DOCK11: variants seen among roughly 807,000 people sequenced by gnomAD.
DOCK11 encodes dedicator of cytokinesis 11.
DOCK11 carries 70 observed loss-of-function variants against 169.1 expected under a neutral mutation model. The ratio of observed to expected loss-of-function variants is 0.41; its 90% CI spans 0.34 to 0.51. DOCK11 has a LOEUF of 0.51. DOCK11 is among the 20% of genes least tolerant of loss of function. The pLI is 0.10. For synonymous variants in DOCK11, 529 were observed against 541.3 expected (o/e 0.98, Z 0.32); for missense variants, 1,166 against 1,538.8 (o/e 0.76, Z 4.05).
intron 1 of DOCK11, among the ~76,000 whole-genome samples, chrX:118,499,997 TGAG>T (rs2057563335): frequency 9.0e-6 from 1 of 111,175 alleles, no homozygotes; most frequent in Non-Finnish European, 1.9e-5. Context: ...TTCTCTGGAT[TGAG>T]TCTTTTTCTA....
chrX:118,667,052 A>G (rs1463496133), intron 45 of DOCK11, among the ~76,000 whole-genome samples: 5 of 111,462 alleles, frequency 4.5e-5, no homozygotes, highest in Non-Finnish European at 7.5e-5. Flanking sequence ...TATCCGTTTT[A>G]GAAATCACAT....
chrX:118,506,302 T>A (rs1294819), intron 1 of DOCK11, among the ~76,000 whole-genome samples: 45,838 of 109,519 alleles, frequency 0.42, 8,375 homozygotes, highest in African/African-American at 0.71. Flanking sequence ...ACCTTTATTG[T>A]TATCCCTTTC....
intron 40 of DOCK11, among the ~76,000 whole-genome samples, chrX:118,645,875 T>C (rs1482299575): frequency 5.5e-5 from 5 of 91,682 alleles, no homozygotes; most frequent in Non-Finnish European, 2.1e-5. Flanking sequence ...AGTGAAACCC[T>C]GTCTCTAGTT....
At chrX:118,496,444 A>G (rs185692705) in intron 1 of DOCK11, among the ~76,000 whole-genome samples, 2 of 112,832 alleles carry the variant, frequency 1.8e-5, no homozygotes, top group East Asian at 5.7e-4. Context: ...CAAGGGCACG[A>G]CGAGATCCTG....
intron 24 of DOCK11, among the ~76,000 whole-genome samples, chrX:118,607,448 G>C (rs2014558932): frequency 1.4e-5 from 1 of 69,429 alleles, no homozygotes; most frequent in African/African-American, 5.7e-5. Context: ...TTGAGACAGA[G>C]TCTCGCTCTG....
At position 118,624,599 on chromosome X, in the gene DOCK11, A is replaced by G; in HGVS notation, c.3532A>G (p.Ile1178Val). 3 of 1,210,445 alleles carry G rather than the reference A, an allele frequency of 2.5e-6. No homozygotes were observed. The highest frequency in any genetic ancestry group is 3.4e-6 in the Non-Finnish European group (3 of 894,714). Reference sequence around the variant, plus strand: ...CTTTGTTGGACTACTTTTGGAAAATATACAGCGATTAGCAGGTCGAGATAC... The same window carrying G: ...CTTTGTTGGACTACTTTTGGAAAATGTACAGCGATTAGCAGGTCGAGATAC... ...LPFVGLLLENIQRLAGRDTLY... is the reference protein window; with the variant it reads ...LPFVGLLLENVQRLAGRDTLY... The change falls in exon 32 of 53, where the codon ATA (isoleucine) becomes GTA (valine). Residue 1178 changes from isoleucine (I) to valine (V), a missense_variant. Ile to Val is a conservative substitution (Grantham distance 29). Transcript: ENST00000276202.
chrX:118,582,654 A>T (rs1324315943), intron 14 of DOCK11, among the ~76,000 whole-genome samples: 1 of 111,891 alleles, frequency 8.9e-6, no homozygotes, highest in Non-Finnish European at 1.9e-5. Flanking sequence ...GAAGACATTT[A>T]TGTGGCCAAC....
intron 1 of DOCK11, among the ~76,000 whole-genome samples, chrX:118,516,018 T>TATATATATATATATATATACGC (rs1269373292): frequency 1.2e-5 from 1 of 81,499 alleles, no homozygotes; most frequent in African/African-American, 5.2e-5. Flanking sequence ...TATATATATA[T>TATATATATATATATATATACGC]ACATTCTTAC....
chrX:118,540,115 C>CT (rs1248027894), intron 1 of DOCK11, among the ~76,000 whole-genome samples: 1 of 101,711 alleles, frequency 9.8e-6, no homozygotes, highest in Non-Finnish European at 2.0e-5. Flanking sequence ...GGAGGATTTT[C>CT]TTTTTTTTCT....
intron 1 of DOCK11, among the ~76,000 whole-genome samples, chrX:118,517,422 C>G (rs1168440921): frequency 9.4e-6 from 1 of 106,607 alleles, no homozygotes; most frequent in Non-Finnish European, 1.9e-5. Flanking sequence ...GAGTGCCTAT[C>G]TCGGATGGTG....
In DOCK11 at chrX:118,495,827, G is replaced by A. The variant is rs1182067961; in HGVS notation, c.-145G>A. The A allele has an allele frequency of 3.4e-5, 6 of 177,479 alleles. No homozygotes were observed. The highest frequency in any genetic ancestry group is 3.9e-5 in the Non-Finnish European group (4 of 102,179). The allele number at this position is 177,479 out of a possible 1,213,427, so 14.6% of individuals were successfully genotyped here. ...GGGAGGGAGGAGCAGCGTGAGCCGC[G>A]CCGCCGCCGAGCTGCGATGTGGCCG... On this transcript the variant is annotated 5_prime_UTR_variant, in exon 1 of 53. Coordinates refer to ENST00000276202, the MANE Select transcript of DOCK11 (RefSeq NM_144658.4).
intron 6 of DOCK11, 93 bp downstream of exon 6, chrX:118,546,209 GC>G (rs2012269203): frequency 4.7e-4 from 9 of 19,282 alleles, no homozygotes; most frequent in South Asian, 1.8e-3. Context: ...AAGAGCCCTA[GC>G]AAAAAAAAAA....
At chrX:118,639,406 C>T (rs770237032) in intron 37 of DOCK11, 29 bp from the exon 38 acceptor site, 5 of 1,200,077 alleles carry the variant, frequency 4.2e-6, no homozygotes, top group Non-Finnish European at 4.5e-6. Context: ...TTAGAGCACT[C>T]CAGTTCCTGA....
chrX:118,553,336 A>G (rs2012568932), intron 6 of DOCK11, among the ~76,000 whole-genome samples: 1 of 112,063 alleles, frequency 8.9e-6, no homozygotes, highest in South Asian at 3.6e-4. Context: ...TGATATATGG[A>G]GGAATTTAAT....
At chrX:118,512,697 C>A (rs1226846900) in intron 1 of DOCK11, among the ~76,000 whole-genome samples, 1 of 111,810 alleles carries the variant, frequency 8.9e-6, no homozygotes, top group African/African-American at 3.3e-5. Flanking sequence ...CTGTTGGGAG[C>A]CCAGGGTAGA....
intron 27 of DOCK11, 85 bp from the exon 28 acceptor site, chrX:118,610,187 T>G: frequency 1.1e-6 from 1 of 932,336 alleles, no homozygotes; most frequent in South Asian, 2.0e-5. Flanking sequence ...ATATATTTAT[T>G]TGTAGAATGT....
chrX:118,510,174 G>A (rs7052630), intron 1 of DOCK11, among the ~76,000 whole-genome samples: 13,961 of 111,492 alleles, frequency 0.13, 651 homozygotes, highest in Middle Eastern at 0.19. Flanking sequence ...TGCCTATCAC[G>A]CAAGATGTCA....
intron 28 of DOCK11, among the ~76,000 whole-genome samples, chrX:118,613,130 T>C: frequency 8.9e-6 from 1 of 112,489 alleles, no homozygotes; most frequent in Non-Finnish European, 1.9e-5. Flanking sequence ...CACTATCTTT[T>C]CATTATTTGT....
intron 1 of DOCK11, among the ~76,000 whole-genome samples, chrX:118,511,742 G>A (rs759625205): frequency 1.8e-5 from 2 of 110,957 alleles, no homozygotes; most frequent in African/African-American, 6.6e-5. Flanking sequence ...GGAGGAGGGC[G>A]TTGCTGGAGA....
Sources: allele counts gnomAD v4.1 joint callset (sites outside exome capture counted in the v4.1 genomes callset), GRCh38; gene constraint gnomAD v4.1.1; transcripts MANE v1.5; gene names NCBI Gene and HGNC (gene_info 2026-07-23, HGNC 2026-07-21).